TMEM244: variants seen among roughly 807,000 people sequenced by gnomAD.
TMEM244 encodes putative transmembrane protein 244.
TMEM244 carries 13 observed loss-of-function variants against 15.8 expected under a neutral mutation model. The observed-to-expected ratio is 0.82, with a 90% CI of 0.53 to 1.30. TMEM244 has a LOEUF of 1.30. TMEM244 is among the 50% of genes most tolerant of loss of function. The pLI is 0.00. For synonymous variants in TMEM244, 45 were observed against 48.7 expected (o/e 0.92, Z 0.32); for missense variants, 161 against 144.9 (o/e 1.11, Z -0.57).
chr6:129,855,889 A>G (rs562486193), intron 1 of TMEM244, among the ~76,000 whole-genome samples: 9 of 152,238 alleles, frequency 5.9e-5, no homozygotes, highest in African/African-American at 1.9e-4. Context: ...GAGACTATAT[A>G]AATATCCTGT....
intron 1 of TMEM244, among the ~76,000 whole-genome samples, chr6:129,849,792 G>C (rs188799304): frequency 2.6e-5 from 4 of 152,154 alleles, no homozygotes; most frequent in Admixed American, 2.6e-4. Context: ...TGCAATGCAA[G>C]GAGAAGAGGT....
chr6:129,856,507 CTT>C (rs1284354335), intron 1 of TMEM244, among the ~76,000 whole-genome samples: 1 of 152,054 alleles, frequency 6.6e-6, no homozygotes, highest in African/African-American at 2.4e-5. Context: ...CACAAGGAAA[CTT>C]TATAATGTTT....
At chr6:129,855,336 C>T (rs1776690917) in intron 1 of TMEM244, among the ~76,000 whole-genome samples, 1 of 152,078 alleles carries the variant, frequency 6.6e-6, no homozygotes, top group African/African-American at 2.4e-5. Flanking sequence ...TTCTAGACAG[C>T]CTTGCTAAAG....
chr6:129,860,429 T>G (rs916597463), intron 1 of TMEM244, among the ~76,000 whole-genome samples: 5 of 152,132 alleles, frequency 3.3e-5, no homozygotes, highest in Non-Finnish European at 7.3e-5. Flanking sequence ...TATGTGGTGA[T>G]GATGGTAGTG....
chr6:129,846,875 G>A (rs371218208), intron 1 of TMEM244, among the ~76,000 whole-genome samples: 6 of 152,260 alleles, frequency 3.9e-5, no homozygotes, highest in East Asian at 3.8e-4. Flanking sequence ...TAAGAAAGAA[G>A]CACTGCAGAT....
chr6:129,833,677 G>A (rs1379117601), intron 3 of TMEM244, 92 bp from the exon 4 acceptor site: 8 of 1,321,832 alleles, frequency 6.1e-6, no homozygotes, highest in Non-Finnish European at 7.2e-6. Context: ...AGCTTACTTT[G>A]AGAATAAATT....
chr6:129,832,782 A>T (rs947664750), intron 4 of TMEM244, among the ~76,000 whole-genome samples: 1 of 152,204 alleles, frequency 6.6e-6, no homozygotes, highest in Admixed American at 6.5e-5. Flanking sequence ...TGGAATTTGT[A>T]TCTGTTTTCT....
chr6:129,837,130 G>C (rs539252170), intron 3 of TMEM244, among the ~76,000 whole-genome samples: 8 of 152,054 alleles, frequency 5.3e-5, no homozygotes, highest in African/African-American at 1.9e-4. Context: ...TGTCAGATTC[G>C]CCAAGGTTGA....
intron 3 of TMEM244, among the ~76,000 whole-genome samples, chr6:129,841,991 C>T (rs1018890611): frequency 4.6e-5 from 7 of 152,202 alleles, no homozygotes; most frequent in African/African-American, 1.2e-4. Flanking sequence ...AGATCTAATA[C>T]GCTAAGGTTT....
intron 1 of TMEM244, among the ~76,000 whole-genome samples, chr6:129,858,703 C>A (rs376536206): frequency 1.3e-5 from 2 of 152,036 alleles, no homozygotes; most frequent in African/African-American, 4.8e-5. Flanking sequence ...ATTGGTCAGG[C>A]TTTCATAGGT....
chr6:129,846,378 A>G (rs1287671739), intron 1 of TMEM244, among the ~76,000 whole-genome samples: 2 of 152,326 alleles, frequency 1.3e-5, no homozygotes, highest in South Asian at 2.1e-4. Context: ...GACATTTGGA[A>G]CTATCTTTTT....
At chr6:129,832,043 G>T (rs1181281833) in intron 4 of TMEM244, among the ~76,000 whole-genome samples, 1 of 150,744 alleles carries the variant, frequency 6.6e-6, no homozygotes, top group Non-Finnish European at 1.5e-5. Flanking sequence ...AAGCTAGGAA[G>T]TTGTAGTTCA....
chr6:129,843,424 T>C, intron 3 of TMEM244, 106 bp downstream of exon 3: 1 of 654,158 alleles, frequency 1.5e-6, no homozygotes, highest in South Asian at 3.1e-5. Flanking sequence ...AATACATAGA[T>C]GACTGCGAGA....
At chr6:129,854,287 G>A (rs1439365593) in intron 1 of TMEM244, among the ~76,000 whole-genome samples, 1 of 152,106 alleles carries the variant, frequency 6.6e-6, no homozygotes, top group Admixed American at 6.6e-5. Flanking sequence ...GGACATTCTG[G>A]TTATTAAAGG....
chr6:129,846,254 A>G (rs1259118120), intron 1 of TMEM244, among the ~76,000 whole-genome samples: 1 of 152,198 alleles, frequency 6.6e-6, no homozygotes, highest in Non-Finnish European at 1.5e-5. Context: ...TTAAACTTCA[A>G]ATAACATTTT....
intron 3 of TMEM244, among the ~76,000 whole-genome samples, chr6:129,839,109 G>T (rs1776450263): frequency 6.6e-6 from 1 of 152,122 alleles, no homozygotes; most frequent in Non-Finnish European, 1.5e-5. Context: ...ACCAAAGCCT[G>T]GTAGAGACAC....
At chr6:129,860,417 C>T (rs989489153) in intron 1 of TMEM244, among the ~76,000 whole-genome samples, 2 of 151,984 alleles carry the variant, frequency 1.3e-5, no homozygotes, top group Non-Finnish European at 2.9e-5. Flanking sequence ...TCACTGATGA[C>T]ATATGTGGTG....
chr6:129,833,402 T>C lies in TMEM244; in HGVS notation c.319+58A>G, dbSNP rs1238810007. Reference sequence around the variant, plus strand: ...ACAAAGTTCTACTCAGGAAGTGGTTTATGTCCAACATCTGTTTTAATACAT... The same window carrying C: ...ACAAAGTTCTACTCAGGAAGTGGTTCATGTCCAACATCTGTTTTAATACAT... On this transcript the variant is annotated intron_variant, in intron 4 of 4. Coordinates refer to ENST00000368143, the MANE Select transcript of TMEM244 (RefSeq NM_001010876.2). 2.6e-6 allele frequency: 4 copies of C among 1,560,560 alleles called. No homozygotes were observed. In the African/African-American group the frequency reaches 5.5e-5, roughly 21 times the overall value.
At chr6:129,854,914 A>G (rs1462589178) in intron 1 of TMEM244, among the ~76,000 whole-genome samples, 3 of 152,228 alleles carry the variant, frequency 2.0e-5, no homozygotes, top group Non-Finnish European at 4.4e-5. Context: ...ATAATGGTCC[A>G]TACTCTTCAT....
Sources: gnomAD v4.1 joint callset for allele counts (sites outside exome capture counted in the v4.1 genomes callset) on GRCh38, gnomAD v4.1.1 for gene constraint, MANE v1.5 for transcripts, NCBI Gene and HGNC (gene_info 2026-07-23, HGNC 2026-07-21) for gene names.